Variants in SPOCK1 observed in about 807,000 individuals in gnomAD.
SPOCK1 encodes SPARC (osteonectin), cwcv and kazal like domains proteoglycan 1, also known as testican-1.
Under a neutral mutation model 55.3 loss-of-function variants are expected in SPOCK1, and 23 were observed. The observed-to-expected ratio is 0.42, with a 90% CI of 0.30 to 0.59. SPOCK1 has a LOEUF of 0.59. Among genes scored for constraint, SPOCK1 ranks in the 20% least tolerant of loss-of-function variants. SPOCK1 has a pLI of 0.22. For missense variants in SPOCK1, 499 were observed against 552.5 expected, an observed-to-expected ratio of 0.90 and a Z score of 0.97; for synonymous variants, 226 against 221.0, an observed-to-expected ratio of 1.02 and a Z score of -0.20.
intron 3 of SPOCK1, among the ~76,000 whole-genome samples, chr5:137,194,883 T>C (rs989887971): frequency 2.0e-5 from 3 of 152,186 alleles, no homozygotes; most frequent in Admixed American, 2.0e-4. Flanking sequence ...AGATAAAGGA[T>C]GCCATCACCA....
chr5:137,395,632 G>T (rs1751828053), intron 2 of SPOCK1, among the ~76,000 whole-genome samples: 1 of 152,236 alleles, frequency 6.6e-6, no homozygotes, highest in South Asian at 2.1e-4. Flanking sequence ...GCTACATTAT[G>T]TGTGCCCTGG....
intron 2 of SPOCK1, among the ~76,000 whole-genome samples, chr5:137,417,033 T>C (rs1486449153): frequency 6.6e-6 from 1 of 152,136 alleles, no homozygotes; most frequent in Non-Finnish European, 1.5e-5. Flanking sequence ...ATAAGTCCTT[T>C]GTCATACATA....
intron 4 of SPOCK1, among the ~76,000 whole-genome samples, chr5:137,139,372 C>T (rs7725922): frequency 0.25 from 38,025 of 151,926 alleles, 5,089 homozygotes; most frequent in East Asian, 0.38. Flanking sequence ...ACCATGATTT[C>T]AGAGGGCAGG....
intron 5 of SPOCK1, among the ~76,000 whole-genome samples, chr5:137,104,114 A>G (rs781516867): frequency 6.6e-6 from 1 of 152,192 alleles, no homozygotes; most frequent in Non-Finnish European, 1.5e-5. Flanking sequence ...CTCCTGTTGA[A>G]TTGTAATCCC....
intron 2 of SPOCK1, among the ~76,000 whole-genome samples, chr5:137,449,084 G>A (rs922934206): frequency 4.6e-5 from 7 of 152,240 alleles, no homozygotes; most frequent in Non-Finnish European, 8.8e-5. Context: ...AAGAAGCCAG[G>A]AAGGAGATGC....
At chr5:137,340,059 T>C (rs891540525) in intron 2 of SPOCK1, among the ~76,000 whole-genome samples, 7 of 151,904 alleles carry the variant, frequency 4.6e-5, no homozygotes, top group African/African-American at 1.7e-4. Context: ...GCTGTGGAAG[T>C]GCCTCATAAA....
chr5:137,153,148 G>A (rs1754350632), intron 3 of SPOCK1, among the ~76,000 whole-genome samples: 1 of 152,174 alleles, frequency 6.6e-6, no homozygotes, highest in South Asian at 2.1e-4. Context: ...GCTCTGTGAG[G>A]CCAGGGGCCA....
At chr5:137,222,069 G>A (rs1025387195) in intron 3 of SPOCK1, among the ~76,000 whole-genome samples, 6 of 152,120 alleles carry the variant, frequency 3.9e-5, no homozygotes, top group Admixed American at 2.0e-4. Context: ...ATGAAGCCTC[G>A]AGTTTTCTTG....
At chr5:137,493,665 C>T (rs1053857878) in intron 2 of SPOCK1, among the ~76,000 whole-genome samples, 2 of 152,174 alleles carry the variant, frequency 1.3e-5, no homozygotes, top group African/African-American at 4.8e-5. Context: ...ATAGTGGGTT[C>T]ATTAAAGAGA....
At chr5:137,073,548 G>A (rs1367208098) in intron 5 of SPOCK1, among the ~76,000 whole-genome samples, 4 of 152,208 alleles carry the variant, frequency 2.6e-5, no homozygotes, top group African/African-American at 9.6e-5. Flanking sequence ...CCACGGCACA[G>A]TCTTTTATTC....
chr5:137,216,393 A>C (rs1257588031), intron 3 of SPOCK1, among the ~76,000 whole-genome samples: 1 of 152,206 alleles, frequency 6.6e-6, no homozygotes, highest in Non-Finnish European at 1.5e-5. Context: ...AAATTGTATA[A>C]TATAGCAATG....
intron 6 of SPOCK1, among the ~76,000 whole-genome samples, chr5:137,017,414 G>T (rs939999196): frequency 1.4e-4 from 21 of 152,122 alleles, no homozygotes; most frequent in Non-Finnish European, 2.8e-4. Context: ...AAGAAAACAA[G>T]AATAATAATT....
At chr5:137,403,327 C>T (rs1406827002) in intron 2 of SPOCK1, among the ~76,000 whole-genome samples, 2 of 152,078 alleles carry the variant, frequency 1.3e-5, no homozygotes, top group Non-Finnish European at 2.9e-5. Flanking sequence ...GGGTTAAGCA[C>T]CTGGAAACAC....
chr5:137,154,507 A>C (rs1052312622), intron 3 of SPOCK1, among the ~76,000 whole-genome samples: 2 of 152,174 alleles, frequency 1.3e-5, no homozygotes, highest in African/African-American at 4.8e-5. Context: ...AAAATATAGC[A>C]ATAGATCTCA....
intron 3 of SPOCK1, among the ~76,000 whole-genome samples, chr5:137,256,926 T>C (rs1353119219): frequency 6.6e-6 from 1 of 152,194 alleles, no homozygotes; most frequent in African/African-American, 2.4e-5. Context: ...ATTGAAGAAT[T>C]AAGTTTCACA....
chr5:137,486,184 A>T (rs1481100796), intron 2 of SPOCK1, among the ~76,000 whole-genome samples: 1 of 152,162 alleles, frequency 6.6e-6, no homozygotes, highest in Non-Finnish European at 1.5e-5. Context: ...ACAGGCCAGC[A>T]CCTTCCTGTT....
intron 2 of SPOCK1, among the ~76,000 whole-genome samples, chr5:137,376,140 T>C (rs1751309621): frequency 6.6e-6 from 1 of 152,216 alleles, no homozygotes; most frequent in African/African-American, 2.4e-5. Flanking sequence ...GCAGGCATGC[T>C]TGCCTCTAAT....
At chr5:137,043,138 G>C (rs1279300300) in intron 6 of SPOCK1, among the ~76,000 whole-genome samples, 1 of 151,942 alleles carries the variant, frequency 6.6e-6, no homozygotes, top group Non-Finnish European at 1.5e-5. Flanking sequence ...ACACCACAGT[G>C]GGGGTATGTC....
intron 2 of SPOCK1, among the ~76,000 whole-genome samples, chr5:137,378,017 T>G (rs1751365115): frequency 7.0e-6 from 1 of 143,368 alleles, no homozygotes; most frequent in Non-Finnish European, 1.5e-5. Context: ...CAATGTTGGC[T>G]CACCGCAACC....
Sources: gnomAD v4.1 joint callset for allele counts (sites outside exome capture counted in the v4.1 genomes callset) on GRCh38, gnomAD v4.1.1 for gene constraint, MANE v1.5 for transcripts, NCBI Gene and HGNC (gene_info 2026-07-23, HGNC 2026-07-21) for gene names.